The following FGD6 variants were observed in gnomAD, a reference collection of about 807,000 sequenced individuals.
The protein encoded by FGD6 is FYVE, RhoGEF and PH domain-containing protein 6.
FGD6 carries 90 observed loss-of-function variants against 149.4 expected under a neutral mutation model. That is an observed-to-expected ratio of 0.60 (90% CI 0.51 to 0.72). The LOEUF is 0.72. FGD6 is among the 30% of genes least tolerant of loss of function. FGD6 has a pLI of 0.00. For synonymous variants in FGD6, 527 were observed against 584.0 expected, an observed-to-expected ratio of 0.90 and a Z score of 1.41; for missense variants, 1,437 against 1,684.8, an observed-to-expected ratio of 0.85 and a Z score of 2.57.
chr12:95,107,188 T>C, intron 12 of FGD6, 151 bp from the exon 13 acceptor site: 3 of 536,516 alleles, frequency 5.6e-6, no homozygotes, highest in Non-Finnish European at 9.5e-6. Flanking sequence ...ACACTAGAAC[T>C]ACCCAGAATG....
chr12:95,100,068 C>T (rs76480430), intron 14 of FGD6, among the ~76,000 whole-genome samples: 1 of 99,450 alleles, frequency 1.0e-5, no homozygotes, highest in East Asian at 3.9e-4. Context: ...CCCCCCCCCC[C>T]ACCCCATATA....
intron 18 of FGD6, among the ~76,000 whole-genome samples, chr12:95,089,198 C>A (rs775185680): frequency 6.6e-6 from 1 of 152,168 alleles, no homozygotes; most frequent in Admixed American, 6.5e-5. Context: ...CCAACCAATG[C>A]CTACAAATAA....
chr12:95,192,622 G>A (rs935780738), intron 2 of FGD6, among the ~76,000 whole-genome samples: 32 of 152,170 alleles, frequency 2.1e-4, no homozygotes, highest in African/African-American at 7.5e-4. Flanking sequence ...AGACACATAA[G>A]CAAACAAGTA....
Position 95,186,225 on chromosome 12 carries a change from C to CTTTTTTTTTTTTTTTTT in FGD6, c.2442-13482_2442-13481insAAAAAAAAAAAAAAAAA, listed in dbSNP as rs1881428152. Among the ~76,000 whole-genome samples the CTTTTTTTTTTTTTTTTT allele has an allele frequency of 2.5e-4, 18 of 71,186 alleles. 9 individuals carry two copies. The East Asian group carries it at 3.9e-3, about 15-fold the overall frequency. The allele number at this position is 71,186 out of a possible 152,430, so 46.7% of individuals were successfully genotyped here. ...AGCTAAGAATGCTTCTTATATTCTTCTTCTTTTTTTTTTTTTTTTTTTTTT... is the reference window on the plus strand; with the variant it reads ...AGCTAAGAATGCTTCTTATATTCTTCTTTTTTTTTTTTTTTTTTTCTTTTTTTTTTTTTTTTTTTTTT... On this transcript the variant is annotated intron_variant, in intron 2 of 20. Transcript: ENST00000343958.
At chr12:95,177,345 T>C (rs1156411453) in intron 2 of FGD6, among the ~76,000 whole-genome samples, 1 of 152,208 alleles carries the variant, frequency 6.6e-6, no homozygotes, top group Non-Finnish European at 1.5e-5. Flanking sequence ...GCTTCTCTGT[T>C]GTTGACAAAT....
intron 3 of FGD6, among the ~76,000 whole-genome samples, chr12:95,165,707 C>T (rs1293758580): frequency 6.6e-6 from 1 of 151,272 alleles, no homozygotes; most frequent in Non-Finnish European, 1.5e-5. Flanking sequence ...GCATGACCTC[C>T]ACTCACTGCA....
intron 3 of FGD6, among the ~76,000 whole-genome samples, chr12:95,153,615 C>T (rs1302456532): frequency 3.3e-5 from 5 of 152,076 alleles, no homozygotes; most frequent in Non-Finnish European, 7.4e-5. Context: ...GAGCCGAGAT[C>T]GCGCCATTGC....
At position 95,087,235 on chromosome 12, in the gene FGD6, C is replaced by T. The variant is rs541516227; in HGVS notation, c.3979-1327G>A. 1.2e-4 allele frequency among the ~76,000 whole-genome samples: 18 copies of T among 152,198 alleles called. No individual in the cohort carries two copies. In the South Asian group the frequency reaches 2.5e-3, roughly 21 times the overall value. ...CCTTAGTAATGGTATGGCAGGCACA[C>T]GCTTAAGGTGGCTTCCCATGACCCT... is the stretch of plus-strand genomic sequence containing the variant. On this transcript the variant is annotated intron_variant, in intron 18 of 20. Coordinates refer to ENST00000343958, the MANE Select transcript of FGD6 (RefSeq NM_018351.4).
chr12:95,088,461 T>C (rs1877946833), intron 18 of FGD6, among the ~76,000 whole-genome samples: 1 of 152,196 alleles, frequency 6.6e-6, no homozygotes, highest in Admixed American at 6.5e-5. Flanking sequence ...CTAAATGTAA[T>C]TCTAAAAAGA....
chr12:95,174,927 CAAAAAAAAAAA>C (rs10687970), intron 2 of FGD6, among the ~76,000 whole-genome samples: 2 of 84,680 alleles, frequency 2.4e-5, no homozygotes, highest in Non-Finnish European at 2.1e-5. Context: ...ACTCCATCTC[CAAAAAAAAAAA>C]AAAAAAAAAG....
At chr12:95,200,997 G>A (rs578211888) in intron 2 of FGD6, among the ~76,000 whole-genome samples, 32 of 151,390 alleles carry the variant, frequency 2.1e-4, no homozygotes, top group African/African-American at 6.8e-4. Flanking sequence ...AAAATAAATA[G>A]GCTGATATAA....
At chr12:95,204,710 G>GCATA (rs1555222935) in intron 2 of FGD6, among the ~76,000 whole-genome samples, 2 of 151,066 alleles carry the variant, frequency 1.3e-5, no homozygotes, top group Admixed American at 6.6e-5. Context: ...GCATGCACGC[G>GCATA]CACACACACA....
intron 3 of FGD6, among the ~76,000 whole-genome samples, chr12:95,153,913 G>A (rs1409348140): frequency 2.0e-5 from 1 of 51,154 alleles, no homozygotes; most frequent in African/African-American, 1.8e-4. Flanking sequence ...AATGAAATTC[G>A]TGTGTGTGTG....
chr12:95,101,590 G>A (rs900867804), intron 14 of FGD6, among the ~76,000 whole-genome samples: 1 of 151,690 alleles, frequency 6.6e-6, no homozygotes, highest in African/African-American at 2.4e-5. Flanking sequence ...TTCTGCCTTG[G>A]AATTTTGAAA....
At chr12:95,101,084 C>G (rs895913977) in intron 14 of FGD6, 1 of 213,734 alleles carries the variant, frequency 4.7e-6, no homozygotes. Flanking sequence ...GGCTGTAATC[C>G]CAGCACTTTG....
At position 95,116,453 on chromosome 12, in the gene FGD6, G is replaced by A. The variant is rs530575824; in HGVS notation, c.3083-2752C>T. ...TTTTTTAATACAGAAGTATATCCATGAAAACAGAGACATTTCTCTAAACCA... is the reference window on the plus strand; with the variant it reads ...TTTTTTAATACAGAAGTATATCCATAAAAACAGAGACATTTCTCTAAACCA... On this transcript the variant is annotated intron_variant, in intron 8 of 20. Coordinates refer to ENST00000343958, the MANE Select transcript of FGD6 (RefSeq NM_018351.4). Among the ~76,000 whole-genome samples the A allele has an allele frequency of 4.6e-5, 7 of 152,280 alleles. No homozygotes were observed. In the East Asian group the frequency reaches 1.3e-3, roughly 29 times the overall value.
At chr12:95,137,865 T>C (rs1879720369) in intron 6 of FGD6, among the ~76,000 whole-genome samples, 187 bp from the exon 7 acceptor site, 1 of 152,114 alleles carries the variant, frequency 6.6e-6, no homozygotes. Flanking sequence ...CTCTAACTGG[T>C]CTCCCTGCTT....
At chr12:95,200,762 C>G (rs189011634) in intron 2 of FGD6, among the ~76,000 whole-genome samples, 2 of 152,296 alleles carry the variant, frequency 1.3e-5, no homozygotes, top group East Asian at 3.9e-4. Flanking sequence ...AAACTACTTA[C>G]AAATACAGTT....
intron 8 of FGD6, among the ~76,000 whole-genome samples, chr12:95,127,605 G>A (rs566172632): frequency 6.6e-6 from 1 of 152,256 alleles, no homozygotes; most frequent in East Asian, 1.9e-4. Flanking sequence ...TTGTTAGCCT[G>A]TACATAGCTC....
Sources: gnomAD v4.1 joint callset for allele counts (sites outside exome capture counted in the v4.1 genomes callset) on GRCh38, gnomAD v4.1.1 for gene constraint, MANE v1.5 for transcripts, NCBI Gene and HGNC (gene_info 2026-07-23, HGNC 2026-07-21) for gene names.